Variants in BIRC6 observed in about 807,000 individuals in gnomAD.
BIRC6 encodes the protein dual E2 ubiquitin-conjugating enzyme/E3 ubiquitin-protein ligase BIRC6.
BIRC6 carries 98 observed loss-of-function variants against 503.3 expected under a neutral mutation model. That is an observed-to-expected ratio of 0.19 (90% CI 0.17 to 0.23). The LOEUF (loss-of-function observed/expected upper bound fraction) is 0.23. Ranked by LOEUF, BIRC6 falls within the 10% of genes least tolerant of loss-of-function variation. The probability of loss-of-function intolerance (pLI) is 1.00; values close to 1 mark genes in which losing one functional copy is unlikely to be tolerated. For missense variants in BIRC6, 5,360 were observed against 5,806.0 expected (o/e 0.92, Z 2.50); for synonymous variants, 2,240 against 2,078.7 (o/e 1.08, Z -2.11).
intron 66 of BIRC6, among the ~76,000 whole-genome samples, chr2:32,591,156 C>CT (rs991409867): frequency 6.6e-6 from 1 of 152,040 alleles, no homozygotes; most frequent in Non-Finnish European, 1.5e-5. Flanking sequence ...TAGAGATTTT[C>CT]TTTTTTTCGG....
In BIRC6 at chr2:32,501,826, A is replaced by G; in HGVS notation, c.9145A>G (p.Thr3049Ala). The change falls in exon 47 of 74, where the codon ACA (threonine) becomes GCA (alanine). Residue 3049 changes from threonine (T) to alanine (A), a missense_variant. Around this residue, in one of 16 missense-constraint regions of BIRC6, gnomAD observed 267 missense variants for 287.6 expected, o/e 0.93. Transcript: ENST00000421745. ...ILTTLSKKAS[T>A]VHMMLQPILT... ...GACAACCCTTAGTAAAAAAGCTTCT[A>G]CAGTCCACATGATGCTGCAGCCAAT... is the stretch of plus-strand genomic sequence containing the variant. The G allele has an allele frequency of 1.9e-6, 3 of 1,613,956 alleles. No individual in the cohort carries two copies. Among genetic ancestry groups the G allele is most frequent in the Non-Finnish European group, 2.5e-6 (3 of 1,179,858 alleles).
rs1012855644 is a variant in BIRC6 at position 32,416,034 on chromosome 2, C to T, written c.2743C>T (p.Leu915=). ...ITTQGGYVKI[L]DLSNFEILAK... ...CACTCAGGGAGGATATGTAAAAATA[C>T]TAGATCTTTCAAACTTTGAAATTTT... The change falls in exon 10 of 74, where the codon CTA becomes TTA. Residue 915 remains leucine, a synonymous_variant. Transcript: ENST00000421745. The T allele has an allele frequency of 1.2e-6, 2 of 1,613,858 alleles. No individual in the cohort carries two copies. The highest frequency in any genetic ancestry group is 1.7e-6 in the Non-Finnish European group (2 of 1,179,872).
At position 32,595,125 on chromosome 2, in the gene BIRC6, T is replaced by C. The variant is rs769574166; in HGVS notation, c.13593T>C (p.Val4531=). 3.1e-6 allele frequency: 5 copies of C among 1,589,956 alleles called. No homozygotes were observed. Among genetic ancestry groups the C allele is most frequent in the African/African-American group, 2.7e-5 (2 of 73,684 alleles). ...CACTTGAAGAAAAATATGTGGCTGT[T>C]ATGAAGAAATTACAGTTTGGTAAGA... ...LKSLEEKYVA[V]MKKLQFDTFE... is the part of the protein sequence containing the mutation. The change falls in exon 68 of 74, where the codon GTT becomes GTC. Residue 4531 remains valine, a synonymous_variant. Coordinates refer to ENST00000421745, the MANE Select transcript of BIRC6 (RefSeq NM_016252.4).
chr2:32,459,718 T>C (rs938133712), intron 23 of BIRC6, among the ~76,000 whole-genome samples: 2 of 152,136 alleles, frequency 1.3e-5, no homozygotes, highest in Admixed American at 6.5e-5. Flanking sequence ...GTATATATTC[T>C]ATAATATATT....
At chr2:32,514,898 CAG>C (rs2054862646) in intron 54 of BIRC6, 90 bp from the exon 55 acceptor site, 1 of 962,218 alleles carries the variant, frequency 1.0e-6, no homozygotes, top group South Asian at 1.7e-5. Flanking sequence ...TATATAATGT[CAG>C]AGTATACTTT....
intron 21 of BIRC6, among the ~76,000 whole-genome samples, chr2:32,446,756 T>TTG (rs2046002207): frequency 7.2e-6 from 1 of 138,080 alleles, no homozygotes. Context: ...TTTTTTTTTT[T>TTG]TTTTTTTTTT....
At chr2:32,560,119 T>G (rs1369313177) in intron 65 of BIRC6, among the ~76,000 whole-genome samples, 1 of 152,214 alleles carries the variant, frequency 6.6e-6, no homozygotes, top group Non-Finnish European at 1.5e-5. Flanking sequence ...GAATTTGACT[T>G]AAAGAAAAGC....
At chr2:32,491,925 C>G (rs1022344917) in intron 44 of BIRC6, among the ~76,000 whole-genome samples, 3 of 152,002 alleles carry the variant, frequency 2.0e-5, no homozygotes, top group Admixed American at 6.5e-5. Context: ...ATTATCAATT[C>G]ACCTTAATCA....
chr2:32,506,696 C>T (rs962483569), intron 50 of BIRC6, among the ~76,000 whole-genome samples: 3 of 152,136 alleles, frequency 2.0e-5, no homozygotes, highest in African/African-American at 7.2e-5. Context: ...TACTTGATTA[C>T]AAAATTTGGT....
At chr2:32,502,277 A>G (rs750820813) in intron 47 of BIRC6, among the ~76,000 whole-genome samples, 13 of 152,066 alleles carry the variant, frequency 8.5e-5, no homozygotes, top group Non-Finnish European at 1.6e-4. Flanking sequence ...TTTTTTTTCC[A>G]TTAAAAGAGA....
At chr2:32,611,199 G>A (rs377617619) in intron 72 of BIRC6, among the ~76,000 whole-genome samples, 4 of 151,584 alleles carry the variant, frequency 2.6e-5, no homozygotes, top group African/African-American at 4.8e-5. Context: ...TCCACCTCCC[G>A]GGTTCACGCC....
intron 65 of BIRC6, chr2:32,566,096 G>A (rs2059515384): frequency 6.6e-6 from 1 of 151,912 alleles, no homozygotes; most frequent in African/African-American, 2.4e-5. Context: ...ACATTTATGG[G>A]TTATGTTTAC....
chr2:32,515,530 T>G lies in BIRC6; in HGVS notation c.11109T>G (p.Leu3703=), dbSNP rs764040461. The change falls in exon 55 of 74, where the codon CTT becomes CTG. Residue 3703 remains leucine (L), a synonymous_variant. Transcript: ENST00000421745. The stretch of plus-strand genomic sequence containing the variant: ...ATAGCCATATTATGAAAGATTGGCT[T>G]GGTGGTTCTGAAGTCAATCCACTAT... ...VGNSHIMKDW[L]GGSEVNPLWT... 1 of 1,613,976 alleles carries G rather than the reference T, an allele frequency of 6.2e-7. No individual in the cohort carries two copies. Among genetic ancestry groups the G allele is most frequent in the South Asian group, 1.1e-5 (1 of 91,088 alleles).
chr2:32,475,193 GTA>G (rs1335094403), intron 33 of BIRC6, among the ~76,000 whole-genome samples: 1 of 147,912 alleles, frequency 6.8e-6, no homozygotes, highest in Admixed American at 6.8e-5. Context: ...GTCAATAGTA[GTA>G]ATTTAGAAAG....
intron 73 of BIRC6, among the ~76,000 whole-genome samples, chr2:32,617,270 G>A (rs1374764549): frequency 2.0e-5 from 3 of 152,040 alleles, no homozygotes; most frequent in East Asian, 1.9e-4. Context: ...TTGTGGTGGC[G>A]CCCACCTGTA....
chr2:32,513,473 A>G (rs1460288873), intron 54 of BIRC6, among the ~76,000 whole-genome samples: 2 of 152,194 alleles, frequency 1.3e-5, no homozygotes, highest in Admixed American at 6.5e-5. Context: ...CTGGCAGGAT[A>G]GTACAGCTAG....
intron 61 of BIRC6, among the ~76,000 whole-genome samples, chr2:32,534,239 T>C (rs1253818523): frequency 6.7e-6 from 1 of 148,962 alleles, no homozygotes; most frequent in East Asian, 2.0e-4. Flanking sequence ...CCCGGTGTGG[T>C]AGTGGGTGCC....
intron 65 of BIRC6, among the ~76,000 whole-genome samples, chr2:32,553,028 AAAAC>A (rs1173461935): frequency 2.7e-5 from 4 of 146,756 alleles, no homozygotes; most frequent in East Asian, 3.9e-4. Flanking sequence ...CTAAAAAAAA[AAAAC>A]AAACAAAAAA....
At chr2:32,414,208 C>T (rs1322961580) in intron 9 of BIRC6, among the ~76,000 whole-genome samples, 1 of 151,996 alleles carries the variant, frequency 6.6e-6, no homozygotes, top group South Asian at 2.1e-4. Flanking sequence ...ACCTGGGAGG[C>T]GGAGGTTTTG....
Sources: allele counts gnomAD v4.1 joint callset (sites outside exome capture counted in the v4.1 genomes callset), GRCh38; gene constraint gnomAD v4.1.1; regional missense constraint gnomAD v4.1.1; transcripts MANE v1.5; gene names NCBI Gene and HGNC (gene_info 2026-07-23, HGNC 2026-07-21).